Variants in RFX4 observed in about 807,000 individuals in gnomAD.
RFX4 encodes transcription factor RFX4.
Under a neutral mutation model 95.0 loss-of-function variants are expected in RFX4, and 10 were observed. The observed-to-expected ratio is 0.11, with a 90% CI of 0.06 to 0.18. The LOEUF is 0.18. Among genes scored for constraint, RFX4 ranks in the 10% least tolerant of loss-of-function variants. The probability of loss-of-function intolerance (pLI) is 1.00; values close to 1 mark genes in which losing one functional copy is unlikely to be tolerated. For synonymous variants in RFX4, 321 were observed against 340.7 expected (o/e 0.94, Z 0.64); for missense variants, 640 against 922.0 (o/e 0.69, Z 3.96).
At position 106,750,731 on chromosome 12, in the gene RFX4, C is replaced by T. The variant is rs1323909235; in HGVS notation, c.1873C>T (p.Pro625Ser). The T allele has an allele frequency of 6.2e-7, 1 of 1,612,832 alleles. No individual in the cohort carries two copies. Among genetic ancestry groups the T allele is most frequent in the South Asian group, 1.1e-5 (1 of 90,894 alleles). ...CATGCAGAGCCAGTATCCGGCCCTC[C>T]CTCATGACACAGCTATCTCTGGGCC... is the stretch of plus-strand genomic sequence containing the variant. ...HPMQSQYPAL[P>S]HDTAISGPLH... is the part of the protein sequence containing the mutation. Residue 625 changes from proline (P) to serine (S), a missense_variant, in exon 17 of 18, where the codon CCT becomes TCT. Around this residue, in one of 7 missense-constraint regions of RFX4, gnomAD observed 300 missense variants for 346.8 expected, o/e 0.87. Transcript: ENST00000392842.
chr12:106,724,506 T>G (rs2042453136), intron 13 of RFX4, among the ~76,000 whole-genome samples: 1 of 152,222 alleles, frequency 6.6e-6, no homozygotes, highest in East Asian at 1.9e-4. Context: ...GATTAAGATT[T>G]AAAAATTTAA....
chr12:106,673,904 A>C (rs2041340798), intron 4 of RFX4, among the ~76,000 whole-genome samples: 1 of 152,100 alleles, frequency 6.6e-6, no homozygotes, highest in Non-Finnish European at 1.5e-5. Context: ...CCCTGCTTCC[A>C]TCCTTGCCCC....
At chr12:106,667,460 T>C (rs2041199549) in intron 4 of RFX4, among the ~76,000 whole-genome samples, 1 of 152,184 alleles carries the variant, frequency 6.6e-6, no homozygotes, top group African/African-American at 2.4e-5. Context: ...GCTCTGATAT[T>C]TACTGTGGGA....
intron 4 of RFX4, among the ~76,000 whole-genome samples, chr12:106,663,793 T>C (rs2041123051): frequency 6.6e-6 from 1 of 151,914 alleles, no homozygotes; most frequent in African/African-American, 2.4e-5. Context: ...GTGTTTCAAT[T>C]TGCCAAATAC....
intron 17 of RFX4, among the ~76,000 whole-genome samples, chr12:106,755,292 C>T (rs1428886467): frequency 1.3e-5 from 2 of 152,116 alleles, no homozygotes; most frequent in East Asian, 1.9e-4. Context: ...GACAAAGTCT[C>T]GCCATGTTGA....
At chr12:106,714,068 CAAA>C (rs58283896) in intron 10 of RFX4, among the ~76,000 whole-genome samples, 8 of 30,524 alleles carry the variant, frequency 2.6e-4, no homozygotes, top group Non-Finnish European at 4.1e-4. Flanking sequence ...AACTCCATCT[CAAA>C]AAAAAAAAAA....
chr12:106,676,105 G>A (rs1292276111), intron 4 of RFX4, among the ~76,000 whole-genome samples: 1 of 152,144 alleles, frequency 6.6e-6, no homozygotes, highest in Non-Finnish European at 1.5e-5. Context: ...ATAGAGGGTA[G>A]AACTTGGTCA....
At chr12:106,585,875 C>G (rs938811023) in intron 1 of RFX4, 2 of 152,224 alleles carry the variant, frequency 1.3e-5, no homozygotes, top group Admixed American at 1.3e-4. Flanking sequence ...GCCTCGGGCC[C>G]GGGAGAACAG....
intron 4 of RFX4, among the ~76,000 whole-genome samples, chr12:106,661,655 C>T (rs559751808): frequency 6.6e-6 from 1 of 152,290 alleles, no homozygotes; most frequent in South Asian, 2.1e-4. Context: ...TAACATGTAT[C>T]CATTGTTTTG....
At position 106,714,068 on chromosome 12, in the gene RFX4, CAAAAAAA is replaced by C. The variant is rs58283896; in HGVS notation, c.994-1315_994-1309del. ...GGGCAACAAGAGTGAAACTCCATCT[CAAAAAAA>C]AAAAAAAAAAAAAAAAGCATGTTCT... On this transcript the variant is annotated intron_variant, in intron 10 of 17. Transcript: ENST00000392842. 2.8e-3 allele frequency among the ~76,000 whole-genome samples: 86 copies of C among 30,526 alleles called. 2 individuals are homozygous for C. Among genetic ancestry groups the C allele is most frequent in the African/African-American group, 0.012 (81 of 6,488 alleles). 20.0% of individuals were successfully genotyped at this position (30,526 alleles called of 152,430 possible). A position where few individuals can be genotyped will look rare whatever the true frequency, so the allele number is the denominator to read the frequency against.
chr12:106,758,244 T>C lies in RFX4; in HGVS notation c.1936-2953T>C, dbSNP rs1041237963. Reference sequence around the variant, plus strand: ...GACTAAATAGAAGCTTCATTGGTCATGTTAATGACCAGGCCAAGGCAGTGA... The same window carrying C: ...GACTAAATAGAAGCTTCATTGGTCACGTTAATGACCAGGCCAAGGCAGTGA... On this transcript the variant is annotated intron_variant, in intron 17 of 17. Transcript: ENST00000392842. Among the ~76,000 whole-genome samples, 7 of 152,288 alleles carry C rather than the reference T, an allele frequency of 4.6e-5. 1 individual carries two copies. Among genetic ancestry groups the C allele is most frequent in the Admixed American group, 6.5e-5 (1 of 15,302 alleles).
chr12:106,736,911 G>C (rs911766853), intron 15 of RFX4, among the ~76,000 whole-genome samples: 1 of 151,992 alleles, frequency 6.6e-6, no homozygotes, highest in African/African-American at 2.4e-5. Flanking sequence ...CCTCCTCAAA[G>C]TGCTGGGGCA....
chr12:106,632,310 C>G (rs1467637824), intron 2 of RFX4, among the ~76,000 whole-genome samples: 1 of 152,176 alleles, frequency 6.6e-6, no homozygotes, highest in Non-Finnish European at 1.5e-5. Context: ...CAGACCACTG[C>G]TCTCCAGCCT....
chr12:106,636,706 G>A (rs1366601992), intron 2 of RFX4, among the ~76,000 whole-genome samples: 1 of 152,224 alleles, frequency 6.6e-6, no homozygotes, highest in Non-Finnish European at 1.5e-5. Context: ...CTACCAGTTA[G>A]AATGGTTTTG....
chr12:106,697,544 T>C, intron 8 of RFX4, among the ~76,000 whole-genome samples: 1 of 151,920 alleles, frequency 6.6e-6, no homozygotes, highest in Non-Finnish European at 1.5e-5. Flanking sequence ...ACAGAAAAGT[T>C]ATTCTCCCAC....
chr12:106,681,898 G>A lies in RFX4; in HGVS notation c.316-95G>A, dbSNP rs1592932287. On this transcript the variant is annotated intron_variant, in intron 4 of 17. Coordinates refer to ENST00000392842, the MANE Select transcript of RFX4 (RefSeq NM_213594.3). Reference sequence around the variant, plus strand: ...TAAGTCATTGCAACCAAGGACCTATGTTTTCCTCCCTTCTGTAGATGGCTA... The same window carrying A: ...TAAGTCATTGCAACCAAGGACCTATATTTTCCTCCCTTCTGTAGATGGCTA... The A allele has an allele frequency of 3.8e-6, 5 of 1,325,596 alleles. No individual in the cohort carries two copies. The East Asian group carries it at 1.1e-4, about 30-fold the overall frequency. The allele number at this position is 1,325,596 out of a possible 1,614,324, so 82.1% of individuals were successfully genotyped here.
At chr12:106,761,000 A>G (rs933296819) in intron 17 of RFX4, among the ~76,000 whole-genome samples, 197 bp from the exon 18 acceptor site, 6 of 152,148 alleles carry the variant, frequency 3.9e-5, no homozygotes, top group African/African-American at 9.7e-5. Context: ...AACTCAGGCT[A>G]TGAAATCTTT....
intron 16 of RFX4, among the ~76,000 whole-genome samples, chr12:106,748,425 T>C (rs1445481158): frequency 6.6e-6 from 1 of 152,210 alleles, no homozygotes; most frequent in African/African-American, 2.4e-5. Context: ...GGATTTCCCA[T>C]AGGTTCTAGC....
intron 15 of RFX4, among the ~76,000 whole-genome samples, chr12:106,745,208 C>T (rs2042870158): frequency 6.6e-6 from 1 of 152,158 alleles, no homozygotes; most frequent in Admixed American, 6.5e-5. Flanking sequence ...TTGCTATACA[C>T]TCCCTTAAAT....
Sources: gnomAD v4.1 joint callset for allele counts (sites outside exome capture counted in the v4.1 genomes callset) on GRCh38, gnomAD v4.1.1 for gene constraint, gnomAD v4.1.1 regional missense constraint, MANE v1.5 for transcripts, NCBI Gene and HGNC (gene_info 2026-07-23, HGNC 2026-07-21) for gene names.